The following PLEKHG1 variants were observed in gnomAD, a reference collection of about 807,000 sequenced individuals.
PLEKHG1 encodes the protein pleckstrin homology and RhoGEF domain containing G1, also known as pleckstrin homology domain-containing family G member 1.
PLEKHG1 carries 44 observed loss-of-function variants against 100.8 expected under a neutral mutation model. That is an observed-to-expected ratio of 0.44 (90% CI 0.34 to 0.56). The LOEUF (loss-of-function observed/expected upper bound fraction) is 0.56, where lower values mean the gene tolerates loss of function less well. Ranked by LOEUF, PLEKHG1 falls within the 20% of genes least tolerant of loss-of-function variation. The pLI, the probability that PLEKHG1 is intolerant of heterozygous loss-of-function variation, is 0.01. For synonymous variants in PLEKHG1, 640 were observed against 662.5 expected, an observed-to-expected ratio of 0.97 and a Z score of 0.52; for missense variants, 1,545 against 1,720.9, an observed-to-expected ratio of 0.90 and a Z score of 1.81.
chr6:150,698,489 A>C (rs1552887), intron 3 of PLEKHG1, among the ~76,000 whole-genome samples: 138,886 of 152,166 alleles, frequency 0.91, 63,498 homozygotes, highest in Non-Finnish European at 0.94. Context: ...TGTGTATACA[A>C]TACTATATAT....
chr6:150,660,992 C>G (rs1779165536), intron 3 of PLEKHG1, among the ~76,000 whole-genome samples: 1 of 152,062 alleles, frequency 6.6e-6, no homozygotes. Context: ...TTGGATGGGC[C>G]CTTTCCAAGG....
At chr6:150,779,977 G>T (rs1785216550) in intron 3 of PLEKHG1, among the ~76,000 whole-genome samples, 1 of 151,060 alleles carries the variant, frequency 6.6e-6, no homozygotes, top group African/African-American at 2.4e-5. Context: ...AAAAAAGAAA[G>T]AAATAACATG....
rs146151974 is a variant in PLEKHG1, at chr6:150,823,192, G to T, written c.1448-462G>T. 4.5e-3 allele frequency among the ~76,000 whole-genome samples: 689 copies of T among 152,220 alleles called. 2 individuals carry two copies. Among genetic ancestry groups the T allele is most frequent in the South Asian group, 0.017 (80 of 4,810 alleles). On this transcript the variant is annotated intron_variant, in intron 13 of 15. Transcript: ENST00000358517. Reference sequence around the variant, plus strand: ...TAAGGGTGTCTTCTCTAAGGATGTGGCTATGTAAATCTCTCCCCACAATTC... The same window carrying T: ...TAAGGGTGTCTTCTCTAAGGATGTGTCTATGTAAATCTCTCCCCACAATTC...
chr6:150,722,649 G>A (rs779535478), intron 1 of PLEKHG1, among the ~76,000 whole-genome samples: 73 of 152,166 alleles, frequency 4.8e-4, no homozygotes, highest in African/African-American at 1.7e-3. Flanking sequence ...ACTGCGCCCT[G>A]CCTCTTCCTC....
At chr6:150,702,599 T>A (rs112646884) in intron 3 of PLEKHG1, among the ~76,000 whole-genome samples, 6,329 of 145,770 alleles carry the variant, frequency 0.043, 440 homozygotes, top group African/African-American at 0.15. Context: ...TGTACTTATA[T>A]ATATGTCATC....
At chr6:150,767,266 T>C (rs564033313) in intron 2 of PLEKHG1, among the ~76,000 whole-genome samples, 1 of 152,216 alleles carries the variant, frequency 6.6e-6, no homozygotes, top group African/African-American at 2.4e-5. Context: ...CTCTTATGAT[T>C]GTTCCATTTA....
intron 3 of PLEKHG1, 106 bp from the exon 5 acceptor site, chr6:150,786,284 G>T: frequency 2.7e-6 from 2 of 748,378 alleles, no homozygotes; most frequent in South Asian, 3.6e-5. Flanking sequence ...CCAATTATAT[G>T]ATTCCTTGTA....
exon 10 of PLEKHG1, chr6:150,809,688 T>C: frequency 6.2e-7 from 1 of 1,614,012 alleles, no homozygotes; most frequent in Non-Finnish European, 8.5e-7. Flanking sequence ...GTTCTGCACC[T>C]AAAGAGACTG....
intron 3 of PLEKHG1, among the ~76,000 whole-genome samples, chr6:150,690,719 G>T (rs554963127): frequency 6.6e-6 from 1 of 152,318 alleles, no homozygotes; most frequent in South Asian, 2.1e-4. Context: ...TACTGGAGAT[G>T]ATTTCCCCAC....
chr6:150,832,684 T>TC, intron 15 of PLEKHG1, among the ~76,000 whole-genome samples: 1 of 147,548 alleles, frequency 6.8e-6, no homozygotes, highest in East Asian at 2.0e-4. Context: ...TTGCATACTT[T>TC]TTTTTTTTTT....
At chr6:150,671,303 G>C (rs923055431) in intron 3 of PLEKHG1, among the ~76,000 whole-genome samples, 4 of 152,110 alleles carry the variant, frequency 2.6e-5, no homozygotes, top group African/African-American at 7.2e-5. Flanking sequence ...AGTTCTTTAA[G>C]GAATCTCCAC....
intron 2 of PLEKHG1, among the ~76,000 whole-genome samples, chr6:150,744,827 A>G (rs1783066268): frequency 6.6e-6 from 1 of 152,214 alleles, no homozygotes; most frequent in East Asian, 1.9e-4. Context: ...AGTCAGTCCA[A>G]GGAAATCCGG....
At chr6:150,707,190 A>C (rs1020186428) in intron 3 of PLEKHG1, among the ~76,000 whole-genome samples, 1 of 150,850 alleles carries the variant, frequency 6.6e-6, no homozygotes, top group African/African-American at 2.4e-5. Flanking sequence ...TTTTTAGTAG[A>C]GACGGGTTTT....
At chr6:150,795,751 A>G in intron 4 of PLEKHG1, 105 bp from the exon 6 acceptor site, 1 of 578,776 alleles carries the variant, frequency 1.7e-6, no homozygotes, top group Non-Finnish European at 3.0e-6. Flanking sequence ...ATATATATAT[A>G]TATATAAATG....
intron 6 of PLEKHG1, among the ~76,000 whole-genome samples, chr6:150,801,510 T>C (rs946335704): frequency 6.7e-6 from 1 of 148,722 alleles, no homozygotes; most frequent in African/African-American, 2.5e-5. Context: ...TAATCACAGA[T>C]CACTGCAACC....
In PLEKHG1 at chr6:150,702,938, G is replaced by A. The variant is rs1287527761; in HGVS notation, c.-98-30646G>A. ...CTTCCTCCCGTGGGCTAGCAGCCTC[G>A]CACTTCTGCATCTTTAGTGGCATAG... On this transcript the variant is annotated intron_variant, in intron 3 of 3. Transcript: ENST00000367326. Among the ~76,000 whole-genome samples the A allele has an allele frequency of 2.0e-5, 3 of 152,094 alleles. No individual in the cohort carries two copies. The East Asian group carries it at 5.8e-4, about 29-fold the overall frequency.
chr6:150,763,244 T>A (rs1784275861), intron 2 of PLEKHG1, among the ~76,000 whole-genome samples: 1 of 151,988 alleles, frequency 6.6e-6, no homozygotes, highest in Non-Finnish European at 1.5e-5. Context: ...TGGGCCAGGC[T>A]GTTCTGGAAC....
At chr6:150,615,316 T>A (rs952201554) in intron 1 of PLEKHG1, among the ~76,000 whole-genome samples, 4 of 152,114 alleles carry the variant, frequency 2.6e-5, no homozygotes, top group African/African-American at 9.7e-5. Flanking sequence ...TCAGTCCCCC[T>A]CCATAGCACA....
Position 150,644,524 on chromosome 6 carries a change from G to C in PLEKHG1, c.-157-6204G>C, listed in dbSNP as rs1778411298. ...TTTTTGTATTTTTAGTAGAGTCAGGGCTTCACCACATTGGTCAGGCTGGTC... is the reference window on the plus strand; with the variant it reads ...TTTTTGTATTTTTAGTAGAGTCAGGCCTTCACCACATTGGTCAGGCTGGTC... On this transcript the variant is annotated intron_variant, in intron 2 of 3. Transcript: ENST00000367326. 2.0e-5 allele frequency among the ~76,000 whole-genome samples: 3 copies of C among 151,820 alleles called. No homozygotes were observed. In the South Asian group the frequency reaches 6.3e-4, roughly 32 times the overall value.
Sources: allele counts gnomAD v4.1 joint callset (sites outside exome capture counted in the v4.1 genomes callset), GRCh38; gene constraint gnomAD v4.1.1; transcripts MANE v1.5; gene names NCBI Gene and HGNC (gene_info 2026-07-23, HGNC 2026-07-21).